Variants in TRMT2A observed in about 807,000 individuals in gnomAD.
TRMT2A encodes the protein tRNA methyltransferase 2A, also known as tRNA (uracil-5-)-methyltransferase homolog A.
Under a neutral mutation model 59.3 loss-of-function variants are expected in TRMT2A, and 60 were observed. The ratio of observed to expected loss-of-function variants is 1.01; its 90% CI spans 0.82 to 1.26. The LOEUF (loss-of-function observed/expected upper bound fraction) is 1.26, where lower values mean the gene tolerates loss of function less well. TRMT2A is among the 50% of genes most tolerant of loss of function. The pLI, the probability that TRMT2A is intolerant of heterozygous loss-of-function variation, is 0.00. For missense variants in TRMT2A, 863 were observed against 845.2 expected (o/e 1.02, Z -0.26); for synonymous variants, 403 against 353.7 (o/e 1.14, Z -1.56).
rs546518605 is a variant in TRMT2A, at chr22:20,116,865, C to T, written c.24+18G>A. 2 of 1,602,780 alleles carry T rather than the reference C, an allele frequency of 1.2e-6. No homozygotes were observed. The highest frequency in any genetic ancestry group is 2.3e-5 in the South Asian group (2 of 88,874). ...CCACCCCATCCCCGTCTCTACCCAG[C>T]GTCTCCCCGCACTCTACCTCGTTGT... On this transcript the variant is annotated intron_variant, in intron 1 of 11. Transcript: ENST00000252136.
At position 20,116,154 on chromosome 22, in the gene TRMT2A, ACT is replaced by A. The variant is rs776841283; in HGVS notation, c.481_482del (p.Ser161Ter). On this transcript the variant is annotated frameshift_variant, in exon 2 of 12. Coordinates refer to ENST00000252136, the MANE Select transcript of TRMT2A (RefSeq NM_022727.6). LOFTEE classifies it high-confidence loss of function. ...CGGCCACTCGTGTTACTGGTGGCTC[ACT>A]CTCACCCTCCTGTCGCCTCCTCCTG... is the stretch of plus-strand genomic sequence containing the variant. ...MARRRRQEGESEPPVTRVADV... is the reference protein window; with the variant it reads ...MARRRRQEGEXEPPVTRVADV... 1 of 1,612,900 alleles carries A rather than the reference ACT, an allele frequency of 6.2e-7. No individual in the cohort carries two copies. The highest frequency in any genetic ancestry group is 1.7e-5 in the Admixed American group (1 of 60,008).
At chr22:20,113,568 G>C (rs2049916129) in intron 8 of TRMT2A, 61 bp from the exon 9 acceptor site, 1 of 1,609,944 alleles carries the variant, frequency 6.2e-7, no homozygotes, top group African/African-American at 1.3e-5. Context: ...GGCCCTGTGG[G>C]CAGCAAAGAG....
intron 3 of TRMT2A, 24 bp from the exon 4 acceptor site, chr22:20,115,471 T>G (rs368487854): frequency 1.3e-6 from 2 of 1,592,138 alleles, no homozygotes; most frequent in Non-Finnish European, 1.7e-6. Flanking sequence ...GAGCTGCACC[T>G]TACCCTGGCT....
Position 20,117,189 on chromosome 22 carries a change from G to C in TRMT2A, c.-283C>G. The C allele has an allele frequency of 3.7e-6, 2 of 547,748 alleles. No individual in the cohort carries two copies. The highest frequency in any genetic ancestry group is 5.9e-5 in the South Asian group (2 of 33,768). 33.9% of individuals were successfully genotyped at this position (547,748 alleles called of 1,614,324 possible). Reference sequence around the variant, plus strand: ...CCGCTCGCTTCGCCAGCCACTCTTAGTCCGCCAGCGCGTGCGGCGGAGGCC... The same window carrying C: ...CCGCTCGCTTCGCCAGCCACTCTTACTCCGCCAGCGCGTGCGGCGGAGGCC... On this transcript the variant is annotated 5_prime_UTR_variant, in exon 1 of 12. Transcript: ENST00000252136.
rs199794890 is a variant in TRMT2A, at chr22:20,116,353, C to T, written c.284G>A (p.Arg95His). 1.1e-4 allele frequency: 170 copies of T among 1,612,840 alleles called. No individual in the cohort carries two copies. Among genetic ancestry groups the T allele is most frequent in the Admixed American group, 2.5e-4 (15 of 60,012 alleles). Reference sequence around the variant, plus strand: ...GGTTTTGTGGGGCTGCAGACCAAAGCGGCCCAGGAAGCGCCGGACGTCGCT... The same window carrying T: ...GGTTTTGTGGGGCTGCAGACCAAAGTGGCCCAGGAAGCGCCGGACGTCGCT... ...SFSDVRRFLGRFGLQPHKTKL... is the reference protein window; with the variant it reads ...SFSDVRRFLGHFGLQPHKTKL... The change falls in exon 2 of 12, where the codon CGC (arginine) becomes CAC (histidine). Residue 95 changes from arginine (R) to histidine (H), a missense_variant. Transcript: ENST00000252136.
rs2050052244 is a variant in TRMT2A at position 20,117,143 on chromosome 22, C to T, written c.-237G>A. On this transcript the variant is annotated 5_prime_UTR_variant, in exon 1 of 12. Transcript: ENST00000252136. The stretch of plus-strand genomic sequence containing the variant: ...CTCAGGCTTGGGGCTGTACCGCCCG[C>T]CCGCCAGGGGCCCGCGCCGGCCGCT... 8.8e-6 allele frequency: 5 copies of T among 570,562 alleles called. No individual in the cohort carries two copies. The Admixed American group carries it at 2.0e-4, about 23-fold the overall frequency. 35.3% of individuals were successfully genotyped at this position (570,562 alleles called of 1,614,324 possible). A position where few individuals can be genotyped will look rare whatever the true frequency, so the allele number is the denominator to read the frequency against.
chr22:20,112,900 C>T lies in TRMT2A; in HGVS notation c.1646+11G>A, dbSNP rs1240850661. On this transcript the variant is annotated intron_variant, in intron 11 of 11. Coordinates refer to ENST00000252136, the MANE Select transcript of TRMT2A (RefSeq NM_022727.6). The stretch of plus-strand genomic sequence containing the variant: ...GGCCTAGCCCCCACCCAGGCCCCTG[C>T]AGACACTCACTCCACAAAGTTGCCC... The T allele has an allele frequency of 3.7e-6, 6 of 1,613,498 alleles. No homozygotes were observed. The highest frequency in any genetic ancestry group is 2.5e-6 in the Non-Finnish European group (3 of 1,180,020).
intron 3 of TRMT2A, 84 bp from the exon 4 acceptor site, chr22:20,115,531 TCAAA>T: frequency 6.4e-7 from 1 of 1,569,904 alleles, no homozygotes; most frequent in Non-Finnish European, 8.7e-7. Context: ...GGGCTGGCAG[TCAAA>T]CAAGAGGAAC....
chr22:20,116,101 G>C lies in TRMT2A; in HGVS notation c.536C>G (p.Pro179Arg). 3 of 1,606,268 alleles carry C rather than the reference G, an allele frequency of 1.9e-6. No individual in the cohort carries two copies. Among genetic ancestry groups the C allele is most frequent in the Non-Finnish European group, 2.6e-6 (3 of 1,174,668 alleles). ...CTTCCGCTCAAGCTGCTCAGCATAG[G>C]GCACTGTCCATAGAGGGGTCACCAC... ...ADVVTPLWTV[P>R]YAEQLERKQL... The change falls in exon 2 of 12, where the codon CCC (proline) becomes CGC (arginine). Residue 179 changes from proline (P) to arginine (R), a missense_variant. Pro to Arg is a moderately radical substitution (Grantham distance 103, BLOSUM62 -2). Transcript: ENST00000252136.
chr22:20,113,395 C>CCCCCTCCCCCCCCCCCCCCCCCG, intron 9 of TRMT2A, 37 bp downstream of exon 9: 2 of 1,537,132 alleles, frequency 1.3e-6, no homozygotes, highest in Non-Finnish European at 1.8e-6. Flanking sequence ...TGGCGGCTGC[C>CCCCCTCCCCCCCCCCCCCCCCCG]CCCATCCCCA....
rs760056513 is a variant in TRMT2A, at chr22:20,114,864, C to T, written c.1018G>A (p.Glu340Lys). ...AYFHPQKLSP[E>K]ELAELKTSLA... is the part of the protein sequence containing the mutation. Reference sequence around the variant, plus strand: ...GAGGTCTTCAGCTCTGCCAGCTCCTCAGGGCTCAGCTTCTGGAGTAAGTGG... The same window carrying T: ...GAGGTCTTCAGCTCTGCCAGCTCCTTAGGGCTCAGCTTCTGGAGTAAGTGG... Residue 340 changes from glutamate to lysine, a missense_variant, in exon 6 of 12, where the codon GAG (glutamate) becomes AAG (lysine). Glu to Lys is a moderately conservative substitution (Grantham distance 56). Transcript: ENST00000252136. 1.9e-6 allele frequency: 3 copies of T among 1,595,796 alleles called. No homozygotes were observed. The South Asian group carries it at 3.4e-5, about 18-fold the overall frequency.
intron 8 of TRMT2A, 83 bp from the exon 9 acceptor site, chr22:20,113,590 G>C: frequency 6.2e-7 from 1 of 1,606,106 alleles, no homozygotes; most frequent in Non-Finnish European, 8.5e-7. Flanking sequence ...AGCTGGGCCT[G>C]GGGCATGATG....
rs779803285 is a variant in TRMT2A at position 20,114,833 on chromosome 22, G to A, written c.1049C>T (p.Ala350Val). 5.4e-5 allele frequency: 86 copies of A among 1,606,814 alleles called. No individual in the cohort carries two copies. Among genetic ancestry groups the A allele is most frequent in the East Asian group, 2.0e-4 (9 of 44,622 alleles). Residue 350 changes from alanine (A) to valine (V), a missense_variant, in exon 6 of 12, where the codon GCG becomes GTG. By Grantham distance (64) the Ala-to-Val change is moderately conservative (BLOSUM62 0). Coordinates refer to ENST00000252136, the MANE Select transcript of TRMT2A (RefSeq NM_022727.6). ...EELAELKTSL[A>V]QHFTAGPGRA... is the part of the protein sequence containing the mutation. The stretch of plus-strand genomic sequence containing the variant: ...GCCTGGCCCTGCTGTGAAGTGCTGC[G>A]CTAGGGAGGTCTTCAGCTCTGCCAG...
intron 4 of TRMT2A, 21 bp from the exon 5 acceptor site, chr22:20,115,100 C>G: frequency 6.3e-7 from 1 of 1,577,192 alleles, no homozygotes. Flanking sequence ...CACGAGCTGG[C>G]CCAAGTGCCC....
chr22:20,112,662 A>G lies in TRMT2A; in HGVS notation c.1779T>C (p.Asn593=). ...TGTGGGGCCCCAAGACCCCTGTGCC[A>G]TTGGGGTGCTCCACCCTCTCAAACA... ...LILFERVEHP[N]GTGVLGPHSP... is the part of the protein sequence containing the mutation. The change falls in exon 12 of 12, where the codon AAT becomes AAC. Residue 593 remains asparagine, a synonymous_variant. Transcript: ENST00000252136. 1 of 1,614,072 alleles carries G rather than the reference A, an allele frequency of 6.2e-7. No individual in the cohort carries two copies. Among genetic ancestry groups the G allele is most frequent in the Non-Finnish European group, 8.5e-7 (1 of 1,180,016 alleles).
In TRMT2A at chr22:20,112,641, G is replaced by T; in HGVS notation, c.1800C>A (p.Pro600=). 6.2e-7 allele frequency: 1 copy of T among 1,614,082 alleles called. No individual in the cohort carries two copies. The highest frequency in any genetic ancestry group is 8.5e-7 in the Non-Finnish European group (1 of 1,180,002). The change falls in exon 12 of 12, where the codon CCC becomes CCA. Residue 600 remains proline, a synonymous_variant. Coordinates refer to ENST00000252136, the MANE Select transcript of TRMT2A (RefSeq NM_022727.6). ...GTGTGGGTTGAGCTGGAGGGCTGTG[G>T]GGCCCCAAGACCCCTGTGCCATTGG... is the stretch of plus-strand genomic sequence containing the variant. ...EHPNGTGVLG[P]HSPPAQPTPG...
Position 20,113,820 on chromosome 22 carries a change from C to T in TRMT2A, c.1234-12G>A, listed in dbSNP as rs117918233. 4,999 of 1,546,022 alleles carry T rather than the reference C, an allele frequency of 3.2e-3. 71 individuals are homozygous for T. In the East Asian group the frequency reaches 0.036, roughly 11 times the overall value. On this transcript the variant is annotated splice_polypyrimidine_tract_variant and intron_variant, in intron 7 of 11. Transcript: ENST00000252136. ...GCGGGTGTGTTCACCTGGGGGCAGG[C>T]GGTGCCCAGGATGTCAGTGGCTCCT... is the stretch of plus-strand genomic sequence containing the variant.
At chr22:20,114,066 C>T (rs949354339) in intron 7 of TRMT2A, among the ~76,000 whole-genome samples, 5 of 152,188 alleles carry the variant, frequency 3.3e-5, no homozygotes, top group Admixed American at 6.5e-5. Flanking sequence ...CATGAGGCCC[C>T]GCAGGCCAAT....
intron 7 of TRMT2A, among the ~76,000 whole-genome samples, chr22:20,114,217 C>A (rs778209414): frequency 6.6e-6 from 1 of 152,190 alleles, no homozygotes; most frequent in Non-Finnish European, 1.5e-5. Flanking sequence ...CAAAAACGGC[C>A]GCTCCAGGTC....
Sources: allele counts gnomAD v4.1 joint callset (sites outside exome capture counted in the v4.1 genomes callset), GRCh38; gene constraint gnomAD v4.1.1; transcripts MANE v1.5; gene names NCBI Gene and HGNC (gene_info 2026-07-23, HGNC 2026-07-21).